ETS1: variants seen among roughly 807,000 people sequenced by gnomAD.
The protein encoded by ETS1 is protein C-ets-1.
Under a neutral mutation model 58.6 loss-of-function variants are expected in ETS1, and 15 were observed. That is an observed-to-expected ratio of 0.26 (90% CI 0.17 to 0.39). The LOEUF is 0.39. Ranked by LOEUF, ETS1 falls within the 10% of genes least tolerant of loss-of-function variation. The pLI is 1.00. For missense variants in ETS1, 417 were observed against 610.5 expected (o/e 0.68, Z 3.34); for synonymous variants, 214 against 218.2 (o/e 0.98, Z 0.17).
At position 128,553,858 on chromosome 11, in the gene ETS1, G is replaced by T. The variant is rs552477955; in HGVS notation, c.214+2433C>A. Reference sequence around the variant, plus strand: ...ATTCATCCCTTCTGAGAGCATGAACGTGAAGGGGGAGCAGTGGTGGGCAGT... The same window carrying T: ...ATTCATCCCTTCTGAGAGCATGAACTTGAAGGGGGAGCAGTGGTGGGCAGT... On this transcript the variant is annotated intron_variant, in intron 3 of 9. Coordinates refer to ENST00000392668, the MANE Select transcript of ETS1 (RefSeq NM_001143820.2). Among the ~76,000 whole-genome samples the T allele has an allele frequency of 1.3e-5, 2 of 152,142 alleles. 1 individual carries two copies. Among genetic ancestry groups the T allele is most frequent in the South Asian group, 4.2e-4 (2 of 4,814 alleles).
intron 2 of ETS1, among the ~76,000 whole-genome samples, chr11:128,570,683 T>G (rs1565414594): frequency 6.6e-6 from 1 of 152,238 alleles, no homozygotes; most frequent in Non-Finnish European, 1.5e-5. Context: ...ATATCATTAT[T>G]TATTTTAACA....
Position 128,573,062 on chromosome 11 carries a change from C to T in ETS1, c.69G>A (p.Val23=). 1 of 1,603,646 alleles carries T rather than the reference C, an allele frequency of 6.2e-7. No individual in the cohort carries two copies. The highest frequency in any genetic ancestry group is 8.5e-7 in the Non-Finnish European group (1 of 1,175,214). ...VPYSAPRPAV[V]RQGPSNTYED... ...GGGCAGGGAAGGGGCCACCACTCACCACCACTGCAGGACGAGGCGCTGAGT... is the reference window on the plus strand; with the variant it reads ...GGGCAGGGAAGGGGCCACCACTCACTACCACTGCAGGACGAGGCGCTGAGT... Residue 23 remains valine, a splice_region_variant and synonymous_variant, in exon 2 of 10, where the codon GTG becomes GTA. Transcript: ENST00000392668.
chr11:128,506,961 C>T (rs1451471679), intron 3 of ETS1, among the ~76,000 whole-genome samples: 1 of 152,094 alleles, frequency 6.6e-6, no homozygotes, highest in Non-Finnish European at 1.5e-5. Context: ...ACAAAAGATT[C>T]TCAAGGGGAA....
chr11:128,491,002 G>A (rs1307263785), intron 3 of ETS1, among the ~76,000 whole-genome samples: 1 of 152,068 alleles, frequency 6.6e-6, no homozygotes, highest in Non-Finnish European at 1.5e-5. Flanking sequence ...TCATAGGCAT[G>A]AGCCACTGTG....
At chr11:128,547,871 G>A (rs1864155388) in intron 3 of ETS1, among the ~76,000 whole-genome samples, 2 of 152,082 alleles carry the variant, frequency 1.3e-5, no homozygotes, top group African/African-American at 4.8e-5. Context: ...TGAAAGCTGA[G>A]GGGCCACTCA....
intron 2 of ETS1, among the ~76,000 whole-genome samples, chr11:128,556,833 T>C (rs7102661): frequency 0.9 from 136,803 of 152,204 alleles, 61,630 homozygotes; most frequent in East Asian, 1. Context: ...TACTCCACAA[T>C]CATACAACAA....
At chr11:128,560,508 A>G (rs761589979) in intron 2 of ETS1, among the ~76,000 whole-genome samples, 4 of 152,198 alleles carry the variant, frequency 2.6e-5, no homozygotes, top group Non-Finnish European at 5.9e-5. Context: ...AGGTCAAGTA[A>G]ATTTCCCAAG....
intron 5 of ETS1, among the ~76,000 whole-genome samples, chr11:128,488,230 T>C (rs1862693160): frequency 6.6e-6 from 1 of 152,334 alleles, no homozygotes; most frequent in East Asian, 1.9e-4. Context: ...CTGCCTGCCA[T>C]CCTCGGTAAA....
At chr11:128,506,454 C>T (rs1863236217) in intron 3 of ETS1, among the ~76,000 whole-genome samples, 1 of 152,180 alleles carries the variant, frequency 6.6e-6, no homozygotes, top group Admixed American at 6.5e-5. Flanking sequence ...ATGCTCACAA[C>T]AGACGATGAG....
intron 9 of ETS1, 75 bp from the exon 10 acceptor site, chr11:128,462,651 G>T: frequency 9.1e-7 from 1 of 1,103,972 alleles, no homozygotes; most frequent in Non-Finnish European, 1.4e-6. Context: ...ATGTTTCTAT[G>T]CCTATGCTAT....
intron 7 of ETS1, among the ~76,000 whole-genome samples, chr11:128,482,726 C>T (rs73582824): frequency 6.6e-6 from 1 of 152,156 alleles, no homozygotes; most frequent in African/African-American, 2.4e-5. Flanking sequence ...ATTAGATACT[C>T]AGTTATGCTG....
chr11:128,562,211 C>G (rs1017419823), intron 2 of ETS1, among the ~76,000 whole-genome samples: 3 of 152,150 alleles, frequency 2.0e-5, no homozygotes, highest in Admixed American at 1.3e-4. Context: ...GAGTTCAAGA[C>G]CAGCCTGGCC....
intron 3 of ETS1, among the ~76,000 whole-genome samples, chr11:128,496,907 T>A (rs1418950404): frequency 6.6e-6 from 1 of 152,006 alleles, no homozygotes; most frequent in Non-Finnish European, 1.5e-5. Context: ...CCCAATGATG[T>A]GACAACACAA....
intron 1 of ETS1, among the ~76,000 whole-genome samples, chr11:128,584,037 T>C (rs889012099): frequency 1.2e-4 from 18 of 152,222 alleles, no homozygotes; most frequent in African/African-American, 4.1e-4. Context: ...GATTATTGTG[T>C]TAATTTTAAA....
chr11:128,524,372 G>A (rs1260566555), intron 3 of ETS1, among the ~76,000 whole-genome samples: 1 of 152,216 alleles, frequency 6.6e-6, no homozygotes, highest in Non-Finnish European at 1.5e-5. Context: ...GTTGCGTAAA[G>A]CAGCAGTTTG....
intron 3 of ETS1, among the ~76,000 whole-genome samples, chr11:128,553,208 T>C (rs537209331): frequency 6.6e-6 from 1 of 152,120 alleles, no homozygotes; most frequent in African/African-American, 2.4e-5. Flanking sequence ...GGCTCCAGGC[T>C]GATAGGGAGG....
chr11:128,497,646 T>C (rs2135474817), intron 3 of ETS1: 2 of 954,210 alleles, frequency 2.1e-6, no homozygotes. Context: ...ATGAAAGCAG[T>C]TGTAATTCGG....
At chr11:128,506,763 C>T (rs981183565) in intron 3 of ETS1, among the ~76,000 whole-genome samples, 7 of 152,058 alleles carry the variant, frequency 4.6e-5, no homozygotes, top group African/African-American at 7.2e-5. Context: ...AGGCTGGGCA[C>T]GGGCCATTTC....
intron 2 of ETS1, among the ~76,000 whole-genome samples, chr11:128,565,391 G>A (rs989417558): frequency 2.0e-5 from 3 of 152,158 alleles, no homozygotes; most frequent in Admixed American, 6.5e-5. Flanking sequence ...CATCCAGAAC[G>A]GTGAGCAATA....
Sources: allele counts gnomAD v4.1 joint callset (sites outside exome capture counted in the v4.1 genomes callset), GRCh38; gene constraint gnomAD v4.1.1; transcripts MANE v1.5; gene names NCBI Gene and HGNC (gene_info 2026-07-23, HGNC 2026-07-21).